The following CSGALNACT1 variants were observed in gnomAD, a reference collection of about 807,000 sequenced individuals.
CSGALNACT1 encodes the protein chondroitin sulfate N-acetylgalactosaminyltransferase 1, also known as beta4GalNAcT-1.
Under a neutral mutation model 51.0 loss-of-function variants are expected in CSGALNACT1, and 52 were observed. The ratio of observed to expected loss-of-function variants is 1.02; its 90% confidence interval spans 0.82 to 1.29. The LOEUF (loss-of-function observed/expected upper bound fraction) is 1.29, where lower values mean the gene tolerates loss of function less well. Among genes scored for constraint, CSGALNACT1 ranks in the 50% most tolerant of loss-of-function variants. CSGALNACT1 has a pLI of 0.00. For missense variants in CSGALNACT1, 935 were observed against 679.2 expected (o/e 1.38, Z -4.19); for synonymous variants, 341 against 254.4 (o/e 1.34, Z -3.24).
intron 1 of CSGALNACT1, among the ~76,000 whole-genome samples, chr8:19,617,246 G>A (rs1409176528): frequency 1.3e-5 from 2 of 152,186 alleles, no homozygotes; most frequent in Non-Finnish European, 1.5e-5. Context: ...TGCAAGTGAT[G>A]GGGAGCGGCT....
intron 3 of CSGALNACT1, among the ~76,000 whole-genome samples, chr8:19,572,254 T>A (rs976297108): frequency 1.3e-5 from 2 of 152,218 alleles, no homozygotes; most frequent in African/African-American, 4.8e-5. Flanking sequence ...TATCTACCTA[T>A]CAAACTCTAT....
intron 3 of CSGALNACT1, among the ~76,000 whole-genome samples, chr8:19,547,502 T>C (rs1201802917): frequency 6.6e-6 from 1 of 152,204 alleles, no homozygotes; most frequent in African/African-American, 2.4e-5. Context: ...CTAGTGGTTT[T>C]GTAAGGGGTT....
At chr8:19,463,392 G>C (rs886519734) in intron 4 of CSGALNACT1, among the ~76,000 whole-genome samples, 21 of 152,252 alleles carry the variant, frequency 1.4e-4, no homozygotes, top group Admixed American at 1.4e-3. Flanking sequence ...TGCACAGAGG[G>C]AGCAACTTTC....
chr8:19,468,487 G>A (rs1445412217), intron 4 of CSGALNACT1, among the ~76,000 whole-genome samples: 2 of 152,146 alleles, frequency 1.3e-5, no homozygotes, highest in African/African-American at 2.4e-5. Flanking sequence ...GCATGGGAGA[G>A]GTGAGATCTT....
intron 3 of CSGALNACT1, among the ~76,000 whole-genome samples, chr8:19,573,507 G>A (rs1046385641): frequency 9.2e-5 from 14 of 151,560 alleles, no homozygotes; most frequent in African/African-American, 2.4e-4. Flanking sequence ...GTAGTGGTGC[G>A]ATCTCTGCTC....
intron 1 of CSGALNACT1, among the ~76,000 whole-genome samples, chr8:19,673,232 C>A (rs2059925689): frequency 6.6e-6 from 1 of 152,198 alleles, no homozygotes; most frequent in Non-Finnish European, 1.5e-5. Context: ...GGACTCAGAG[C>A]CTTCACTGGG....
At chr8:19,605,291 C>T (rs2051208421), upstream of CSGALNACT1, among the ~76,000 whole-genome samples, 1 of 152,022 alleles carries the variant, frequency 6.6e-6, no homozygotes, top group Admixed American at 6.6e-5. Context: ...CAAAAATTAG[C>T]CGGGCATGGT....
intron 4 of CSGALNACT1, among the ~76,000 whole-genome samples, chr8:19,498,217 G>T (rs1189560402): frequency 1.3e-5 from 2 of 152,178 alleles, no homozygotes; most frequent in Non-Finnish European, 2.9e-5. Flanking sequence ...TTTCAAGCCT[G>T]AGACCTGGCT....
chr8:19,407,783 A>G (rs1326736256), intron 9 of CSGALNACT1, among the ~76,000 whole-genome samples: 1 of 149,218 alleles, frequency 6.7e-6, no homozygotes, highest in Admixed American at 6.6e-5. Context: ...TTGTGTGCAC[A>G]TGTGGACATT....
Position 19,450,687 on chromosome 8 carries a change from A to G in CSGALNACT1, c.851+7739T>C, listed in dbSNP as rs149937191. 2.1e-3 allele frequency among the ~76,000 whole-genome samples: 323 copies of G among 152,228 alleles called. 1 individual carries two copies. The highest frequency in any genetic ancestry group is 7.6e-3 in the African/African-American group (314 of 41,526). ...TGAGGCAGGCTGTAAAGTGATCTTT[A>G]CAGATGATCACTTGAGGTCAGGAGT... On this transcript the variant is annotated intron_variant, in intron 5 of 9. Coordinates refer to ENST00000454498, the Ensembl canonical transcript of CSGALNACT1.
chr8:19,749,893 C>T (rs1264233998), intron 1 of CSGALNACT1, among the ~76,000 whole-genome samples: 1 of 152,160 alleles, frequency 6.6e-6, no homozygotes, highest in Non-Finnish European at 1.5e-5. Context: ...CAGTGGGAGG[C>T]CAGGGAGCCA....
At chr8:19,575,605 C>T (rs911140445) in intron 3 of CSGALNACT1, among the ~76,000 whole-genome samples, 5 of 152,210 alleles carry the variant, frequency 3.3e-5, no homozygotes, top group Non-Finnish European at 7.3e-5. Flanking sequence ...TTTGAAACAA[C>T]TGTAATAATT....
intron 2 of CSGALNACT1, among the ~76,000 whole-genome samples, chr8:19,595,723 T>A (rs116770373): frequency 6.6e-6 from 1 of 152,056 alleles, no homozygotes; most frequent in Non-Finnish European, 1.5e-5. Context: ...TAAGTAACAA[T>A]TGAACTGTTT....
At chr8:19,476,907 G>A (rs1042703730) in intron 4 of CSGALNACT1, among the ~76,000 whole-genome samples, 2 of 152,138 alleles carry the variant, frequency 1.3e-5, no homozygotes, top group African/African-American at 2.4e-5. Flanking sequence ...TTTCCCATGA[G>A]GCCTTCCCAT....
At chr8:19,515,111 C>A (rs2079265440) in intron 3 of CSGALNACT1, among the ~76,000 whole-genome samples, 1 of 152,054 alleles carries the variant, frequency 6.6e-6, no homozygotes, top group Non-Finnish European at 1.5e-5. Context: ...GGGAACCCAG[C>A]CTCAGAGTGC....
At chr8:19,665,441 A>G (rs1564379795) in intron 1 of CSGALNACT1, among the ~76,000 whole-genome samples, 1 of 151,148 alleles carries the variant, frequency 6.6e-6, no homozygotes, top group African/African-American at 2.5e-5. Flanking sequence ...CGGGGCCAAA[A>G]CTCAGAAGGA....
chr8:19,431,493 G>C (rs2059641618), intron 6 of CSGALNACT1, among the ~76,000 whole-genome samples: 1 of 151,464 alleles, frequency 6.6e-6, no homozygotes, highest in Non-Finnish European at 1.5e-5. Context: ...AGCCAAACTT[G>C]CATTCCTGAA....
chr8:19,411,599 G>C (rs571263035), intron 8 of CSGALNACT1, among the ~76,000 whole-genome samples: 5 of 152,282 alleles, frequency 3.3e-5, no homozygotes, highest in South Asian at 4.1e-4. Flanking sequence ...TGGACCAAGA[G>C]ACAAAAATGT....
chr8:19,405,072 G>C (rs1341280776), exon 10 of CSGALNACT1: 2 of 453,412 alleles, frequency 4.4e-6, no homozygotes, highest in Non-Finnish European at 8.8e-6. Flanking sequence ...TAAAAATGTA[G>C]GCCAACTTGT....
Sources: allele counts gnomAD v4.1 joint callset (sites outside exome capture counted in the v4.1 genomes callset), GRCh38; gene constraint gnomAD v4.1.1; transcripts MANE v1.5; gene names NCBI Gene and HGNC (gene_info 2026-07-23, HGNC 2026-07-21).